The following DLEC1 variants were observed in gnomAD, a reference collection of about 807,000 sequenced individuals.
The protein encoded by DLEC1 is deleted in lung and esophageal cancer protein 1.
In DLEC1, 146 loss-of-function variants were observed where a neutral mutation model predicts 198.1. That is an observed-to-expected ratio of 0.74 (90% CI 0.64 to 0.85). The LOEUF (loss-of-function observed/expected upper bound fraction) is 0.85, where lower values mean the gene tolerates loss of function less well. Ranked by LOEUF, DLEC1 falls within the 40% of genes least tolerant of loss-of-function variation. DLEC1 has a pLI of 0.00. For missense variants in DLEC1, 2,233 were observed against 2,220.0 expected (o/e 1.01, Z -0.12); for synonymous variants, 897 against 866.8 (o/e 1.03, Z -0.61).
intron 33 of DLEC1, 127 bp downstream of exon 33, chr3:38,118,151 C>G: frequency 9.7e-7 from 1 of 1,031,590 alleles, no homozygotes; most frequent in Non-Finnish European, 1.4e-6. Flanking sequence ...CCTGCCATAC[C>G]CTGCATGAAC....
At chr3:38,071,687 A>G (rs1220326380) in intron 6 of DLEC1, among the ~76,000 whole-genome samples, 1 of 152,210 alleles carries the variant, frequency 6.6e-6, no homozygotes, top group Non-Finnish European at 1.5e-5. Flanking sequence ...ACGCCTTTTG[A>G]TGCCTCTTGC....
At position 38,108,454 on chromosome 3, in the gene DLEC1, A is replaced by G. The variant is rs371770856; in HGVS notation, c.3068A>G (p.His1023Arg). 223 of 1,614,028 alleles carry G rather than the reference A, an allele frequency of 1.4e-4. No homozygotes were observed. The highest frequency in any genetic ancestry group is 1.7e-4 in the Non-Finnish European group (197 of 1,180,020). Residue 1023 changes from histidine to arginine, a missense_variant, in exon 21 of 37, where the codon CAT becomes CGT. His to Arg is a conservative substitution (Grantham distance 29). Transcript: ENST00000308059. ...EFCMVTVSPK[H>R]GLLGPSEECQ... ...TGCATGGTGACAGTCTCCCCCAAACATGGCCTGCTGGGCCCAAGTGAGGAG... is the reference window on the plus strand; with the variant it reads ...TGCATGGTGACAGTCTCCCCCAAACGTGGCCTGCTGGGCCCAAGTGAGGAG...
At chr3:38,086,102 C>T in intron 8 of DLEC1, 139 bp from the exon 9 acceptor site, 1 of 1,223,642 alleles carries the variant, frequency 8.2e-7, no homozygotes, top group Non-Finnish European at 1.1e-6. Context: ...GGACATGTCC[C>T]CACTCATCCT....
chr3:38,121,886 C>T (rs1252167617), intron 35 of DLEC1, 105 bp downstream of exon 35: 3 of 1,519,634 alleles, frequency 2.0e-6, no homozygotes, highest in African/African-American at 2.8e-5. Flanking sequence ...TGCTGGCTCC[C>T]AGGGCAGGCA....
chr3:38,058,297 G>A (rs2125603468), intron 2 of DLEC1, among the ~76,000 whole-genome samples: 1 of 152,304 alleles, frequency 6.6e-6, no homozygotes, highest in South Asian at 2.1e-4. Context: ...ATTTTTCAGT[G>A]CTCTCTCTGC....
rs570736049 is a variant in DLEC1, at chr3:38,050,085, T to TC, written c.562+4393dup. Among the ~76,000 whole-genome samples, 507 of 152,126 alleles carry TC rather than the reference T, an allele frequency of 3.3e-3. 2 individuals carry two copies. The highest frequency in any genetic ancestry group is 6.0e-3 in the Non-Finnish European group (407 of 67,980). On this transcript the variant is annotated intron_variant, in intron 2 of 36. Transcript: ENST00000308059. ...ACTTCCAGATAACTTTTTTTTTTTT[T>TC]CAAGACAGGGTCTCGCTTCATCACC...
intron 12 of DLEC1, among the ~76,000 whole-genome samples, chr3:38,094,544 T>G (rs115093279): frequency 1.1e-4 from 16 of 152,250 alleles, no homozygotes; most frequent in Non-Finnish European, 1.9e-4. Context: ...CTTCCCAATA[T>G]TAGGGGGTGA....
Position 38,123,012 on chromosome 3 carries a change from A to ACTGT in DLEC1, c.*604_*607dup, listed in dbSNP as rs1700568005. 7 of 1,606,414 alleles carry ACTGT rather than the reference A, an allele frequency of 4.4e-6. No homozygotes were observed. In the African/African-American group the frequency reaches 6.7e-5, roughly 15 times the overall value. On this transcript the variant is annotated 3_prime_UTR_variant, in exon 37 of 37. Transcript: ENST00000308059. ...ACTGCCTTGCTGCTAGAGCAGCAGG[A>ACTGT]CTGTCTGCGTAGCGCCTCCAGCCTG...
At chr3:38,083,282 G>C (rs576995597) in intron 6 of DLEC1, among the ~76,000 whole-genome samples, 1 of 151,212 alleles carries the variant, frequency 6.6e-6, no homozygotes, top group Non-Finnish European at 1.5e-5. Context: ...GAGAGTCAGC[G>C]AAGGGAGATG....
intron 11 of DLEC1, 120 bp from the exon 12 acceptor site, chr3:38,093,485 C>A: frequency 2.5e-6 from 3 of 1,180,210 alleles, no homozygotes; most frequent in Non-Finnish European, 2.4e-6. Flanking sequence ...CCAGTGTGAG[C>A]TTGCAGGAAT....
intron 6 of DLEC1, among the ~76,000 whole-genome samples, chr3:38,082,897 T>G (rs944268682): frequency 5.9e-5 from 9 of 152,156 alleles, no homozygotes; most frequent in Non-Finnish European, 8.8e-5. Flanking sequence ...CTGCAATGAT[T>G]AAACACTACG....
chr3:38,062,109 T>C, intron 3 of DLEC1, 60 bp from the exon 4 acceptor site: 1 of 1,579,752 alleles, frequency 6.3e-7, no homozygotes. Flanking sequence ...TTGGTCATCT[T>C]AGGAATGCCC....
At chr3:38,051,965 C>A (rs1442718067) in intron 2 of DLEC1, 6 of 177,636 alleles carry the variant, frequency 3.4e-5, no homozygotes, top group African/African-American at 1.4e-4. Flanking sequence ...AGAAATCACA[C>A]ATAGACATTT....
chr3:38,095,395 T>A (rs1698959445), intron 13 of DLEC1: 1 of 358,696 alleles, frequency 2.8e-6, no homozygotes, highest in Non-Finnish European at 5.3e-6. Flanking sequence ...CTAGAGAGAG[T>A]GAGGTGCAGG....
intron 2 of DLEC1, among the ~76,000 whole-genome samples, chr3:38,054,041 G>C (rs887463286): frequency 9.2e-5 from 14 of 152,028 alleles, no homozygotes; most frequent in African/African-American, 3.1e-4. Flanking sequence ...CAAGTACCCA[G>C]GGACACAAAC....
chr3:38,056,546 G>A (rs916296982), intron 2 of DLEC1, among the ~76,000 whole-genome samples: 6 of 152,140 alleles, frequency 3.9e-5, no homozygotes, highest in Non-Finnish European at 7.4e-5. Context: ...TTGACCTCAA[G>A]TGATCTGCCC....
intron 31 of DLEC1, 100 bp from the exon 32 acceptor site, chr3:38,117,427 A>C: frequency 6.2e-7 from 1 of 1,600,502 alleles, no homozygotes; most frequent in South Asian, 1.1e-5. Flanking sequence ...TCAGCAGAGG[A>C]GCCCAGGGAA....
Position 38,117,001 on chromosome 3 carries a change from C to T in DLEC1, c.4206C>T (p.Thr1402=), listed in dbSNP as rs777230592. 10 of 1,613,832 alleles carry T rather than the reference C, an allele frequency of 6.2e-6. No homozygotes were observed. The highest frequency in any genetic ancestry group is 1.3e-5 in the African/African-American group (1 of 74,902). ...TGGTCCCTGCTGGGGGCAGCAGTAC[C>T]ATCTACATCTCCTTCACCCCTATGG... ...QVVVPAGGSS[T]IYISFTPMVL... Residue 1402 remains threonine (T), a synonymous_variant, in exon 30 of 37, where the codon ACC becomes ACT. Transcript: ENST00000308059.
rs766242241 is a variant in DLEC1, at chr3:38,121,666, G to A, written c.4905G>A (p.Leu1635=). The A allele has an allele frequency of 6.2e-7, 1 of 1,614,024 alleles. No individual in the cohort carries two copies. The highest frequency in any genetic ancestry group is 1.1e-5 in the South Asian group (1 of 91,082). ...PLRAVVAVPE[L]QLSTSWVDFG... Reference sequence around the variant, plus strand: ...GGGCTGTGGTGGCCGTGCCTGAGCTGCAGCTCTCCACCAGCTGGGTGGACT... The same window carrying A: ...GGGCTGTGGTGGCCGTGCCTGAGCTACAGCTCTCCACCAGCTGGGTGGACT... The change falls in exon 35 of 37, where the codon CTG becomes CTA. Residue 1635 remains leucine (L), a synonymous_variant. Coordinates refer to ENST00000308059, the MANE Select transcript of DLEC1 (RefSeq NM_007335.4).
Sources: gnomAD v4.1 joint callset for allele counts (sites outside exome capture counted in the v4.1 genomes callset) on GRCh38, gnomAD v4.1.1 for gene constraint, MANE v1.5 for transcripts, NCBI Gene and HGNC (gene_info 2026-07-23, HGNC 2026-07-21) for gene names.